Variants in COL13A1 observed in about 807,000 individuals in gnomAD.
COL13A1 encodes collagen alpha-1(XIII) chain.
In COL13A1, 89 loss-of-function variants were observed where a neutral mutation model predicts 130.9. That is an observed-to-expected ratio of 0.68 (90% CI 0.57 to 0.81). The LOEUF is 0.81. Ranked by LOEUF, COL13A1 falls within the 30% of genes least tolerant of loss-of-function variation. The pLI, the probability that COL13A1 is intolerant of heterozygous loss-of-function variation, is 0.00. For synonymous variants in COL13A1, 402 were observed against 341.6 expected (o/e 1.18, Z -1.95); for missense variants, 879 against 934.6 (o/e 0.94, Z 0.78).
At chr10:69,821,225 A>T (rs111252557) in intron 1 of COL13A1, among the ~76,000 whole-genome samples, 2 of 152,372 alleles carry the variant, frequency 1.3e-5, no homozygotes, top group African/African-American at 4.8e-5. Context: ...CCACTTCAAA[A>T]TATTGGCAAC....
rs376985054 is a variant in COL13A1 at position 69,863,339 on chromosome 10, T to C, written c.365-4459T>C. Among the ~76,000 whole-genome samples the C allele has an allele frequency of 3.9e-4, 60 of 152,056 alleles. 1 individual carries two copies. Among genetic ancestry groups the C allele is most frequent in the East Asian group, 3.1e-3 (16 of 5,158 alleles). On this transcript the variant is annotated intron_variant, in intron 2 of 40. Coordinates refer to ENST00000645393, the MANE Select transcript of COL13A1 (RefSeq NM_001368882.1). The stretch of plus-strand genomic sequence containing the variant: ...TCCAGCAGGCAGAGTGTAACCAATA[T>C]CATTAGTCACCCAAGGTCTGAGGGG...
chr10:69,838,129 GC>G (rs1438741117), intron 2 of COL13A1, among the ~76,000 whole-genome samples: 1 of 152,214 alleles, frequency 6.6e-6, no homozygotes, highest in African/African-American at 2.4e-5. Context: ...CATCCAGGCA[GC>G]CCCCTCCTCA....
intron 17 of COL13A1, among the ~76,000 whole-genome samples, 200 bp downstream of exon 17, chr10:69,906,022 C>G (rs1304339211): frequency 6.6e-6 from 1 of 152,236 alleles, no homozygotes; most frequent in Non-Finnish European, 1.5e-5. Context: ...AGAGTTCTTT[C>G]TGTGCTGAGC....
intron 12 of COL13A1, 119 bp downstream of exon 12, chr10:69,894,820 C>T (rs2061490060): frequency 7.4e-7 from 1 of 1,354,022 alleles, no homozygotes; most frequent in Non-Finnish European, 1.0e-6. Context: ...ACCAGGAAAG[C>T]CCCCGAGGTG....
chr10:69,901,535 G>C (rs936264005), intron 14 of COL13A1, among the ~76,000 whole-genome samples: 4 of 152,168 alleles, frequency 2.6e-5, no homozygotes, highest in African/African-American at 9.7e-5. Flanking sequence ...CTCTGAGAAA[G>C]GTGGGCCGGC....
chr10:69,925,708 A>T, intron 25 of COL13A1, 96 bp from the exon 26 acceptor site: 1 of 840,358 alleles, frequency 1.2e-6, no homozygotes, highest in Non-Finnish European at 2.0e-6. Context: ...ATGTGCAGCT[A>T]GGTGCAGCCA....
intron 2 of COL13A1, among the ~76,000 whole-genome samples, chr10:69,837,710 C>G (rs1850477297): frequency 6.6e-6 from 1 of 152,218 alleles, no homozygotes; most frequent in African/African-American, 2.4e-5. Context: ...CCTGCTTCAT[C>G]ATCCTCCATG....
intron 17 of COL13A1, among the ~76,000 whole-genome samples, chr10:69,908,285 T>A (rs914552461): frequency 7.3e-4 from 111 of 152,176 alleles, no homozygotes; most frequent in African/African-American, 2.6e-3. Context: ...GTGAATGAAA[T>A]GGCAAGACCT....
intron 2 of COL13A1, among the ~76,000 whole-genome samples, chr10:69,847,543 C>G (rs1220658780): frequency 6.6e-6 from 1 of 152,208 alleles, no homozygotes; most frequent in East Asian, 1.9e-4. Flanking sequence ...TTTCTCCTTG[C>G]CTCCAGGCTT....
At chr10:69,809,048 G>A (rs1377247461) in intron 1 of COL13A1, among the ~76,000 whole-genome samples, 1 of 152,198 alleles carries the variant, frequency 6.6e-6, no homozygotes, top group Non-Finnish European at 1.5e-5. Flanking sequence ...AAGGTCAGGA[G>A]CTTCATTTTT....
At chr10:69,930,663 C>T (rs999572988) in intron 30 of COL13A1, 111 bp downstream of exon 30, 16 of 1,282,394 alleles carry the variant, frequency 1.2e-5, no homozygotes, top group Admixed American at 2.8e-5. Flanking sequence ...GGGCTAGAAA[C>T]CTGGGGCCAG....
At chr10:69,928,034 C>A (rs1375410640) in intron 27 of COL13A1, among the ~76,000 whole-genome samples, 1 of 152,120 alleles carries the variant, frequency 6.6e-6, no homozygotes, top group Non-Finnish European at 1.5e-5. Context: ...TGCCTATAAT[C>A]CCAGCTACTC....
At chr10:69,813,623 A>G (rs1843642521) in intron 1 of COL13A1, among the ~76,000 whole-genome samples, 1 of 151,544 alleles carries the variant, frequency 6.6e-6, no homozygotes, top group Non-Finnish European at 1.5e-5. Context: ...CTCCTAAGGC[A>G]CCCCCGTGGC....
chr10:69,845,349 C>T (rs930852494), intron 2 of COL13A1, among the ~76,000 whole-genome samples: 5 of 152,000 alleles, frequency 3.3e-5, no homozygotes, highest in Admixed American at 6.6e-5. Context: ...CCCACCACCA[C>T]GCCTGGCTAA....
intron 1 of COL13A1, among the ~76,000 whole-genome samples, chr10:69,818,054 G>A (rs879361065): frequency 7.2e-5 from 11 of 152,078 alleles, no homozygotes; most frequent in Admixed American, 1.3e-4. Context: ...CCCGATTTCC[G>A]GGTCCACCTT....
chr10:69,888,135 T>C (rs1359790061), intron 8 of COL13A1, among the ~76,000 whole-genome samples, 169 bp from the exon 9 acceptor site: 2 of 152,190 alleles, frequency 1.3e-5, no homozygotes, highest in Non-Finnish European at 2.9e-5. Context: ...GGATGGGAAG[T>C]TGAGGCCTAG....
chr10:69,887,314 A>G, intron 7 of COL13A1, 142 bp from the exon 8 acceptor site: 1 of 785,276 alleles, frequency 1.3e-6, no homozygotes, highest in Non-Finnish European at 2.1e-6. Context: ...CTTCCCTCCC[A>G]ACCCACTAAC....
intron 7 of COL13A1, among the ~76,000 whole-genome samples, chr10:69,885,667 T>C (rs1468205005): frequency 1.3e-5 from 2 of 152,214 alleles, no homozygotes; most frequent in South Asian, 2.1e-4. Context: ...GGATGGAAGA[T>C]GTTTCTTGGA....
In COL13A1 at chr10:69,889,420, C is replaced by T; in HGVS notation, c.583C>T (p.Pro195Ser). 1 of 1,611,664 alleles carries T rather than the reference C, an allele frequency of 6.2e-7. No homozygotes were observed. The highest frequency in any genetic ancestry group is 1.1e-5 in the South Asian group (1 of 90,256). ...PIGLDGKPGHPGPKGDMGLTG... is the reference protein window; with the variant it reads ...PIGLDGKPGHSGPKGDMGLTG... ...CACCCTCTTCTCCTTCCAGGGCCAC[C>T]CAGGACCAAAGGGCGACATGGTAAG... The change falls in exon 10 of 41, where the codon CCA (proline) becomes TCA (serine). Residue 195 changes from proline (P) to serine (S), a missense_variant. Physicochemically the swap from Pro to Ser is moderately conservative, Grantham distance 74. Transcript: ENST00000645393.
Sources: gnomAD v4.1 joint callset for allele counts (sites outside exome capture counted in the v4.1 genomes callset) on GRCh38, gnomAD v4.1.1 for gene constraint, MANE v1.5 for transcripts, NCBI Gene and HGNC (gene_info 2026-07-23, HGNC 2026-07-21) for gene names.